The following CNTN4 variants were observed in gnomAD, a reference collection of about 807,000 sequenced individuals.
CNTN4 encodes the protein contactin 4.
A neutral mutation model predicts 122.5 loss-of-function variants in CNTN4; 77 were observed. That is an observed-to-expected ratio of 0.63 (90% confidence interval 0.52 to 0.76). The LOEUF is 0.76. Among genes scored for constraint, CNTN4 ranks in the 30% least tolerant of loss-of-function variants. The pLI is 0.00. For missense variants in CNTN4, 1,256 were observed against 1,259.1 expected (o/e 1.00, Z 0.04); for synonymous variants, 512 against 447.0 (o/e 1.15, Z -1.83).
chr3:2,579,031 T>A (rs1346373170), intron 4 of CNTN4, among the ~76,000 whole-genome samples: 1 of 152,236 alleles, frequency 6.6e-6, no homozygotes, highest in Non-Finnish European at 1.5e-5. Context: ...GCAGCGATTT[T>A]ATATCCCCAT....
intron 2 of CNTN4, among the ~76,000 whole-genome samples, chr3:2,303,145 C>T (rs1003424590): frequency 6.6e-6 from 1 of 152,114 alleles, no homozygotes; most frequent in African/African-American, 2.4e-5. Context: ...TCAATCATTC[C>T]AGATTTCCTA....
At chr3:2,972,727 A>G (rs542158337) in intron 13 of CNTN4, among the ~76,000 whole-genome samples, 15 of 152,276 alleles carry the variant, frequency 9.9e-5, no homozygotes, top group Middle Eastern at 3.4e-3. Context: ...ACTCCTTTAC[A>G]TATACATAGT....
intron 14 of CNTN4, among the ~76,000 whole-genome samples, chr3:3,019,765 A>AATATATATATATAT (rs67229453): frequency 9.4e-5 from 13 of 138,036 alleles, no homozygotes; most frequent in East Asian, 2.1e-4. Context: ...TGTGTACACA[A>AATATATATATATAT]ATATATATAT....
At chr3:2,447,079 A>G (rs2048654176) in intron 3 of CNTN4, among the ~76,000 whole-genome samples, 1 of 152,176 alleles carries the variant, frequency 6.6e-6, no homozygotes, top group Non-Finnish European at 1.5e-5. Flanking sequence ...GCTTGACACT[A>G]TCATTATTCC....
At chr3:2,973,975 C>G (rs1303301550) in intron 13 of CNTN4, among the ~76,000 whole-genome samples, 1 of 152,168 alleles carries the variant, frequency 6.6e-6, no homozygotes, top group African/African-American at 2.4e-5. Context: ...CTCAGATCAT[C>G]TTGGATGGTA....
chr3:2,780,449 C>A (rs1359734471), intron 6 of CNTN4, among the ~76,000 whole-genome samples: 1 of 152,168 alleles, frequency 6.6e-6, no homozygotes, highest in Non-Finnish European at 1.5e-5. Context: ...CTCTTTTATG[C>A]ATTTTCTCTT....
intron 4 of CNTN4, among the ~76,000 whole-genome samples, chr3:2,606,671 C>G (rs774851604): frequency 3.9e-5 from 6 of 152,124 alleles, no homozygotes; most frequent in Non-Finnish European, 8.8e-5. Flanking sequence ...ATTTGCCCCT[C>G]CATGCTCCTA....
At chr3:2,361,234 C>G (rs918179500) in intron 3 of CNTN4, among the ~76,000 whole-genome samples, 3 of 151,610 alleles carry the variant, frequency 2.0e-5, no homozygotes, top group African/African-American at 7.3e-5. Flanking sequence ...CCTCACCCAC[C>G]TTGGTTTGCA....
intron 4 of CNTN4, among the ~76,000 whole-genome samples, chr3:2,695,972 G>A (rs751255329): frequency 1.3e-5 from 2 of 152,158 alleles, no homozygotes; most frequent in East Asian, 1.9e-4. Flanking sequence ...GTATTAGCTC[G>A]AGAATGGCAG....
chr3:2,196,717 G>T (rs2037849888), intron 2 of CNTN4, among the ~76,000 whole-genome samples: 1 of 152,024 alleles, frequency 6.6e-6, no homozygotes, highest in African/African-American at 2.4e-5. Flanking sequence ...TCTTGTTTAT[G>T]CTCTAAGCAG....
intron 6 of CNTN4, among the ~76,000 whole-genome samples, chr3:2,766,257 C>G (rs1415090538): frequency 6.6e-6 from 1 of 152,190 alleles, no homozygotes; most frequent in East Asian, 1.9e-4. Flanking sequence ...TATAAGTCTA[C>G]CTTTTGCTTT....
chr3:2,169,470 G>C (rs2728519), intron 2 of CNTN4, among the ~76,000 whole-genome samples: 58,720 of 151,600 alleles, frequency 0.39, 11,601 homozygotes, highest in African/African-American at 0.48. Context: ...GCGGTGGCGC[G>C]ATCTCGGCTC....
At chr3:2,688,761 C>A (rs566217404) in intron 4 of CNTN4, among the ~76,000 whole-genome samples, 1 of 152,184 alleles carries the variant, frequency 6.6e-6, no homozygotes, top group East Asian at 1.9e-4. Context: ...TCAAACTTAG[C>A]TCCCTACGTG....
intron 10 of CNTN4, among the ~76,000 whole-genome samples, chr3:2,890,337 A>C (rs572422250): frequency 2.0e-5 from 3 of 152,166 alleles, no homozygotes; most frequent in African/African-American, 7.2e-5. Context: ...ATAGGTCTCC[A>C]ATTTAAATGA....
intron 13 of CNTN4, among the ~76,000 whole-genome samples, chr3:2,951,034 C>G (rs113533314): frequency 0.015 from 2,284 of 152,228 alleles, 49 homozygotes; most frequent in African/African-American, 0.051. Context: ...ACCTAATTCC[C>G]CATCTGTTCA....
intron 3 of CNTN4, among the ~76,000 whole-genome samples, chr3:2,349,230 G>A (rs1246318547): frequency 6.7e-6 from 1 of 150,214 alleles, no homozygotes; most frequent in Non-Finnish European, 1.5e-5. Context: ...TTAACAAAGT[G>A]CTTGTTGACG....
intron 4 of CNTN4, among the ~76,000 whole-genome samples, chr3:2,636,261 A>G (rs2082653297): frequency 6.6e-6 from 1 of 152,156 alleles, no homozygotes; most frequent in African/African-American, 2.4e-5. Context: ...AATTCCACAT[A>G]CTCTAAAAAC....
chr3:2,850,535 C>T (rs2093532076), intron 7 of CNTN4, among the ~76,000 whole-genome samples: 1 of 152,184 alleles, frequency 6.6e-6, no homozygotes, highest in Admixed American at 6.5e-5. Flanking sequence ...CATGGAGGGA[C>T]TTCAGCTTGC....
chr3:2,444,066 C>T (rs2048531124), intron 3 of CNTN4, among the ~76,000 whole-genome samples: 1 of 152,096 alleles, frequency 6.6e-6, no homozygotes, highest in South Asian at 2.1e-4. Context: ...TCCTTCATGG[C>T]AATGTAATTT....
Sources: allele counts gnomAD v4.1 joint callset (sites outside exome capture counted in the v4.1 genomes callset), GRCh38; gene constraint gnomAD v4.1.1; transcripts MANE v1.5; gene names NCBI Gene and HGNC (gene_info 2026-07-23, HGNC 2026-07-21).